NEUROG2: variants seen among roughly 807,000 people sequenced by gnomAD.
NEUROG2 encodes neurogenin-2.
A neutral mutation model predicts 2.8 loss-of-function variants in NEUROG2; 1 was observed. The ratio of observed to expected loss-of-function variants is 0.36; its 90% confidence interval spans 0.13 to 1.71. NEUROG2 has a LOEUF of 1.71. Ranked by LOEUF, NEUROG2 falls within the 40% of genes most tolerant of loss-of-function variation. The probability of loss-of-function intolerance (pLI) is 0.34; values close to 1 mark genes in which losing one functional copy is unlikely to be tolerated. For missense variants in NEUROG2, 397 were observed against 392.7 expected (o/e 1.01, Z -0.09); for synonymous variants, 211 against 187.7 (o/e 1.12, Z -1.01).
At position 112,514,945 on chromosome 4, in the gene NEUROG2, G is replaced by A. The variant is rs1297913634; in HGVS notation, c.531C>T (p.Gly177=). 4 of 1,610,616 alleles carry A rather than the reference G, an allele frequency of 2.5e-6. No individual in the cohort carries two copies. The highest frequency in any genetic ancestry group is 1.7e-4 in the Middle Eastern group (1 of 5,918). The change falls in exon 2 of 2, where the codon GGC becomes GGT. Residue 177 remains glycine, a synonymous_variant. Transcript: ENST00000313341. Reference sequence around the variant, plus strand: ...AGAGCGCCCCCGGCAGGCCCCCGCCGCCGCCCCCGCAGTGATCCGCCAGGC... The same window carrying A: ...AGAGCGCCCCCGGCAGGCCCCCGCCACCGCCCCCGCAGTGATCCGCCAGGC... ...TLRLADHCGG[G]GGGLPGALFS... is the part of the protein sequence containing the mutation.
At position 112,513,797 on chromosome 4, in the gene NEUROG2, G is replaced by A. The variant is rs1418922658; in HGVS notation, c.*860C>T. On this transcript the variant is annotated 3_prime_UTR_variant, in exon 2 of 2. Transcript: ENST00000313341. ...AAAGGTCGAAATAAATAATACATGA[G>A]GCAATCCTCCCTCCTGATTTTTCCC... 6.6e-6 allele frequency: 1 copy of A among 152,600 alleles called. No individual in the cohort carries two copies. The highest frequency in any genetic ancestry group is 2.4e-5 in the African/African-American group (1 of 41,428). 9.5% of individuals were successfully genotyped at this position (152,600 alleles called of 1,614,324 possible). A position where few individuals can be genotyped will look rare whatever the true frequency, so the allele number is the denominator to read the frequency against.
chr4:112,515,154 G>C lies in NEUROG2; in HGVS notation c.322C>G (p.Arg108Gly). The change falls in exon 2 of 2, where the codon CGC becomes GGC. Residue 108 changes from arginine to glycine, a missense_variant. By Grantham distance (125) the Arg-to-Gly change is moderately radical (BLOSUM62 -2). Transcript: ENST00000313341. ...TTCAGTCTACGGGTCTTCTTGATGC[G>C]CTGCACCGTCTCGGCCGTCTTGGCG... ...RGAKTAETVQ[R>G]IKKTRRLKAN... 6.2e-7 allele frequency: 1 copy of C among 1,613,548 alleles called. No individual in the cohort carries two copies. Among genetic ancestry groups the C allele is most frequent in the Non-Finnish European group, 8.5e-7 (1 of 1,179,874 alleles).
Position 112,513,785 on chromosome 4 carries a change from A to C in NEUROG2, c.*872T>G, listed in dbSNP as rs1332002269. 6.6e-6 allele frequency: 1 copy of C among 152,614 alleles called. No individual in the cohort carries two copies. Among genetic ancestry groups the C allele is most frequent in the Non-Finnish European group, 1.5e-5 (1 of 68,036 alleles). 9.5% of individuals were successfully genotyped at this position (152,614 alleles called of 1,614,324 possible). On this transcript the variant is annotated 3_prime_UTR_variant, in exon 2 of 2. Transcript: ENST00000313341. ...CCTTCTCCCCTAAAAGGTCGAAATA[A>C]ATAATACATGAGGCAATCCTCCCTC...
rs1443217024 is a variant in NEUROG2 at position 112,513,542 on chromosome 4, A to G, written c.*1115T>C. On this transcript the variant is annotated 3_prime_UTR_variant, in exon 2 of 2. Transcript: ENST00000313341. ...TATGAAAATTAGATAGTTTATTTAT[A>G]GTTTAATCACAAGAACAACTTTCTT... The G allele has an allele frequency of 6.6e-6, 1 of 152,648 alleles. No individual in the cohort carries two copies. Among genetic ancestry groups the G allele is most frequent in the African/African-American group, 2.4e-5 (1 of 41,466 alleles). 9.5% of individuals were successfully genotyped at this position (152,648 alleles called of 1,614,324 possible).
In NEUROG2 at chr4:112,513,612, AT is replaced by A. The variant is rs1239468811; in HGVS notation, c.*1044del. 6.5e-5 allele frequency: 10 copies of A among 152,684 alleles called. No individual in the cohort carries two copies. Among genetic ancestry groups the A allele is most frequent in the Non-Finnish European group, 1.3e-4 (9 of 68,046 alleles). The allele number at this position is 152,684 out of a possible 1,614,324, so 9.5% of individuals were successfully genotyped here. A position where few individuals can be genotyped will look rare whatever the true frequency, so the allele number is the denominator to read the frequency against. Reference sequence around the variant, plus strand: ...CATACTAGAATAAACTCTGTAGAATATACAAAAAATACATATTTTCCCATGA... The same window carrying A: ...CATACTAGAATAAACTCTGTAGAATAACAAAAAATACATATTTTCCCATGA... On this transcript the variant is annotated 3_prime_UTR_variant, in exon 2 of 2. Coordinates refer to ENST00000313341, the MANE Select transcript of NEUROG2 (RefSeq NM_024019.4).
In NEUROG2 at chr4:112,514,734, T is replaced by A. The variant is rs1736387509; in HGVS notation, c.742A>T (p.Met248Leu). 1 of 1,530,264 alleles carries A rather than the reference T, an allele frequency of 6.5e-7. No homozygotes were observed. The highest frequency in any genetic ancestry group is 2.3e-5 in the East Asian group (1 of 44,112). The allele number at this position is 1,530,264 out of a possible 1,614,324, so 94.8% of individuals were successfully genotyped here. A position where few individuals can be genotyped will look rare whatever the true frequency, so the allele number is the denominator to read the frequency against. ...LSPASPAGSD[M>L]DYWQPPPPDK... is the part of the protein sequence containing the mutation. ...GGAGGTGGGGGCTGCCAATAGTCCA[T>A]GTCTGACCCGGCCGGGCTGGCGGGC... is the stretch of plus-strand genomic sequence containing the variant. Residue 248 changes from methionine (M) to leucine (L), a missense_variant, in exon 2 of 2, where the codon ATG (methionine) becomes TTG (leucine). Physicochemically the swap from Met to Leu is conservative, Grantham distance 15 (BLOSUM62 2). Coordinates refer to ENST00000313341, the MANE Select transcript of NEUROG2 (RefSeq NM_024019.4).
chr4:112,515,999 G>T lies in NEUROG2; in HGVS notation c.-154C>A. On this transcript the variant is annotated 5_prime_UTR_variant, in exon 1 of 2. Coordinates refer to ENST00000313341, the MANE Select transcript of NEUROG2 (RefSeq NM_024019.4). ...GCGCAGCTCCGCGGGGGACCTCTGC[G>T]ACCGGCGAGTTTGCCAAGAGCCCCG... 1.3e-5 allele frequency: 2 copies of T among 153,808 alleles called. No homozygotes were observed. Among genetic ancestry groups the T allele is most frequent in the South Asian group, 3.9e-4 (2 of 5,176 alleles). The allele number at this position is 153,808 out of a possible 1,614,324, so 9.5% of individuals were successfully genotyped here.
rs1023827069 is a variant in NEUROG2 at position 112,514,544 on chromosome 4, G to A, written c.*113C>T. The stretch of plus-strand genomic sequence containing the variant: ...AGAAAGGCTACACCTGCCCTGTGAA[G>A]TGAGATGGTTTCCAGGGCGTGGAAA... On this transcript the variant is annotated 3_prime_UTR_variant, in exon 2 of 2. Transcript: ENST00000313341. The A allele has an allele frequency of 6.0e-6, 5 of 834,742 alleles. No homozygotes were observed. Among genetic ancestry groups the A allele is most frequent in the Admixed American group, 7.0e-5 (2 of 28,614 alleles). 51.7% of individuals were successfully genotyped at this position (834,742 alleles called of 1,614,324 possible).
rs765590000 is a variant in NEUROG2 at position 112,514,934 on chromosome 4, A to T, written c.542T>A (p.Leu181Gln). 6.2e-7 allele frequency: 1 copy of T among 1,608,372 alleles called. No individual in the cohort carries two copies. Among genetic ancestry groups the T allele is most frequent in the Non-Finnish European group, 8.5e-7 (1 of 1,178,486 alleles). ...TGCCTCGGAGAAGAGCGCCCCCGGC[A>T]GGCCCCCGCCGCCGCCCCCGCAGTG... ...ADHCGGGGGG[L>Q]PGALFSEAVL... The change falls in exon 2 of 2, where the codon CTG becomes CAG. Residue 181 changes from leucine to glutamine, a missense_variant. Transcript: ENST00000313341.
In NEUROG2 at chr4:112,513,923, C is replaced by T. The variant is rs1290442648; in HGVS notation, c.*734G>A. 2 of 152,618 alleles carry T rather than the reference C, an allele frequency of 1.3e-5. No individual in the cohort carries two copies. Among genetic ancestry groups the T allele is most frequent in the African/African-American group, 4.8e-5 (2 of 41,446 alleles). The allele number at this position is 152,618 out of a possible 1,614,324, so 9.5% of individuals were successfully genotyped here. A position where few individuals can be genotyped will look rare whatever the true frequency, so the allele number is the denominator to read the frequency against. ...TACAAATTATACAATGACTTCTAAC[C>T]TGCCCCTCTAACAAAACAAGTTTTT... On this transcript the variant is annotated 3_prime_UTR_variant, in exon 2 of 2. Transcript: ENST00000313341.
chr4:112,514,727 T>C lies in NEUROG2; in HGVS notation c.749A>G (p.Tyr250Cys), dbSNP rs762957752. The part of the protein sequence containing the change: ...PASPAGSDMD[Y>C]WQPPPPDKHR... ...CTTGTCGGGAGGTGGGGGCTGCCAA[T>C]AGTCCATGTCTGACCCGGCCGGGCT... The change falls in exon 2 of 2, where the codon TAT becomes TGT. Residue 250 changes from tyrosine to cysteine, a missense_variant. Physicochemically the swap from Tyr to Cys is radical, Grantham distance 194 (BLOSUM62 -2). Coordinates refer to ENST00000313341, the MANE Select transcript of NEUROG2 (RefSeq NM_024019.4). 1 of 1,520,466 alleles carries C rather than the reference T, an allele frequency of 6.6e-7. No individual in the cohort carries two copies. Among genetic ancestry groups the C allele is most frequent in the Non-Finnish European group, 8.8e-7 (1 of 1,137,398 alleles). 94.2% of individuals were successfully genotyped at this position (1,520,466 alleles called of 1,614,324 possible).
In NEUROG2 at chr4:112,515,068, G is replaced by A; in HGVS notation, c.408C>T (p.Arg136=). ...CCTCGGGGAACGTGGGGAGCACCTC[G>A]CGCAGCGCGTCCAGTGCCGCGTTGA... ...HNLNAALDAL[R]EVLPTFPEDA... Residue 136 remains arginine (R), a synonymous_variant, in exon 2 of 2, where the codon CGC becomes CGT. Transcript: ENST00000313341. 6.2e-7 allele frequency: 1 copy of A among 1,614,040 alleles called. No individual in the cohort carries two copies. The highest frequency in any genetic ancestry group is 8.5e-7 in the Non-Finnish European group (1 of 1,179,930).
In NEUROG2 at chr4:112,515,343, GC is replaced by G; in HGVS notation, c.132del (p.Glu44AspfsTer72). 6.8e-7 allele frequency: 1 copy of G among 1,479,474 alleles called. No homozygotes were observed. Among genetic ancestry groups the G allele is most frequent in the Non-Finnish European group, 8.9e-7 (1 of 1,121,150 alleles). 91.6% of individuals were successfully genotyped at this position (1,479,474 alleles called of 1,614,324 possible). A position where few individuals can be genotyped will look rare whatever the true frequency, so the allele number is the denominator to read the frequency against. On this transcript the variant is annotated frameshift_variant, in exon 2 of 2. Transcript: ENST00000313341. LOFTEE classifies it low-confidence loss of function (END_TRUNC). Reference sequence around the variant, plus strand: ...CGACGCGCCCCGCCTGACGCGCCCGGCTCCTCCTCCTCTTCTTCGTCGGCGC... The same window carrying G: ...CGACGCGCCCCGCCTGACGCGCCCGGTCCTCCTCCTCTTCTTCGTCGGCGC... Reference protein sequence around the residue: ...SSSADEEEEEEPGASGGARRQ... With the variant: ...SSSADEEEEEXPGASGGARRQ...
chr4:112,515,252 C>T lies in NEUROG2; in HGVS notation c.224G>A (p.Arg75Gln). Residue 75 changes from arginine to glutamine, a missense_variant, in exon 2 of 2, where the codon CGG becomes CAG. Transcript: ENST00000313341. Reference protein sequence around the residue: ...GGVAAGAEGCRPARLLGLVHD... With the variant: ...GGVAAGAEGCQPARLLGLVHD... The stretch of plus-strand genomic sequence containing the variant: ...TACCAGACCCAGCAGCCGTGCGGGC[C>T]GGCAGCCCTCCGCACCCGCAGCCAC... 1 of 1,574,604 alleles carries T rather than the reference C, an allele frequency of 6.4e-7. No homozygotes were observed. The highest frequency in any genetic ancestry group is 2.4e-5 in the East Asian group (1 of 42,112).
rs532545771 is a variant in NEUROG2, at chr4:112,514,268, C to T, written c.*389G>A. 53 of 204,180 alleles carry T rather than the reference C, an allele frequency of 2.6e-4. No individual in the cohort carries two copies. The highest frequency in any genetic ancestry group is 1.1e-3 in the African/African-American group (50 of 43,668). The allele number at this position is 204,180 out of a possible 1,614,324, so 12.6% of individuals were successfully genotyped here. A position where few individuals can be genotyped will look rare whatever the true frequency, so the allele number is the denominator to read the frequency against. ...GATCACAGGAACCAGTTGCATTCCC[C>T]CTGTGAGATTCACACGAACTGCACC... On this transcript the variant is annotated 3_prime_UTR_variant, in exon 2 of 2. Transcript: ENST00000313341.
Position 112,514,885 on chromosome 4 carries a change from G to A in NEUROG2, c.591C>T (p.Ala197=). Residue 197 remains alanine (A), a synonymous_variant, in exon 2 of 2, where the codon GCC becomes GCT. Transcript: ENST00000313341. The part of the protein sequence containing the change: ...SEAVLLSPGG[A]SAALSSSGDS... ...CTCCGCTGCTGCTCAGGGCGGCGCT[G>A]GCTCCTCCCGGGCTCAGCAACACTG... 6.2e-7 allele frequency: 1 copy of A among 1,601,090 alleles called. No individual in the cohort carries two copies. The highest frequency in any genetic ancestry group is 2.2e-5 in the East Asian group (1 of 44,590).
rs949178299 is a variant in NEUROG2, at chr4:112,515,342, G to A, written c.134C>T (p.Pro45Leu). ...CCGACGCGCCCCGCCTGACGCGCCC[G>A]GCTCCTCCTCCTCTTCTTCGTCGGC... ...SSADEEEEEE[P>L]GASGGARRQR... Residue 45 changes from proline to leucine, a missense_variant, in exon 2 of 2, where the codon CCG becomes CTG. Transcript: ENST00000313341. 3.5e-6 allele frequency: 5 copies of A among 1,445,342 alleles called. No individual in the cohort carries two copies. Among genetic ancestry groups the A allele is most frequent in the South Asian group, 1.6e-5 (1 of 62,788 alleles). The allele number at this position is 1,445,342 out of a possible 1,614,324, so 89.5% of individuals were successfully genotyped here. A position where few individuals can be genotyped will look rare whatever the true frequency, so the allele number is the denominator to read the frequency against.
At position 112,513,799 on chromosome 4, in the gene NEUROG2, C is replaced by G. The variant is rs1463073606; in HGVS notation, c.*858G>C. Reference sequence around the variant, plus strand: ...AGGTCGAAATAAATAATACATGAGGCAATCCTCCCTCCTGATTTTTCCCTT... The same window carrying G: ...AGGTCGAAATAAATAATACATGAGGGAATCCTCCCTCCTGATTTTTCCCTT... On this transcript the variant is annotated 3_prime_UTR_variant, in exon 2 of 2. Transcript: ENST00000313341. 2 of 152,598 alleles carry G rather than the reference C, an allele frequency of 1.3e-5. No individual in the cohort carries two copies. Among genetic ancestry groups the G allele is most frequent in the Non-Finnish European group, 2.9e-5 (2 of 68,024 alleles). 9.5% of individuals were successfully genotyped at this position (152,598 alleles called of 1,614,324 possible). A position where few individuals can be genotyped will look rare whatever the true frequency, so the allele number is the denominator to read the frequency against.
chr4:112,515,812 C>A, intron 1 of NEUROG2, 35 bp downstream of exon 1: 1 of 188,812 alleles, frequency 5.3e-6, no homozygotes, highest in Non-Finnish European at 1.1e-5. Context: ...GGGGAAACCA[C>A]CTGCGTAGTT....
Sources: gnomAD v4.1 joint callset for allele counts on GRCh38, gnomAD v4.1.1 for gene constraint, MANE v1.5 for transcripts, NCBI Gene and HGNC (gene_info 2026-07-23, HGNC 2026-07-21) for gene names.